The following HTR2C variants were observed in gnomAD, a reference collection of about 807,000 sequenced individuals.
The protein encoded by HTR2C is 5-hydroxytryptamine (serotonin) receptor 2C, G protein-coupled.
HTR2C carries 5 observed loss-of-function variants against 21.0 expected under a neutral mutation model. That is an observed-to-expected ratio of 0.24 (90% CI 0.12 to 0.50). The LOEUF is 0.50. Ranked by LOEUF, HTR2C falls within the 20% of genes least tolerant of loss-of-function variation. HTR2C has a pLI of 0.98. For synonymous variants in HTR2C, 150 were observed against 145.3 expected (o/e 1.03, Z -0.23); for missense variants, 271 against 371.2 (o/e 0.73, Z 2.22).
intron 4 of HTR2C, among the ~76,000 whole-genome samples, chrX:114,753,416 CTA>C (rs2069781321): frequency 8.9e-6 from 1 of 111,800 alleles, no homozygotes; most frequent in Non-Finnish European, 1.9e-5. Flanking sequence ...TCATAGGAAA[CTA>C]ATACATTTGT....
chrX:114,638,063 A>G (rs1313467583), intron 2 of HTR2C, among the ~76,000 whole-genome samples: 1 of 111,325 alleles, frequency 9.0e-6, no homozygotes, highest in African/African-American at 3.3e-5. Flanking sequence ...CCTAACTACT[A>G]GGCAACTTTG....
At chrX:114,585,296 T>C (rs1354018665) in intron 1 of HTR2C, among the ~76,000 whole-genome samples, 1 of 111,656 alleles carries the variant, frequency 9.0e-6, no homozygotes, top group Non-Finnish European at 1.9e-5. Context: ...AGCTGTTAGC[T>C]GAATTTGAAC....
chrX:114,764,092 A>G (rs2069910530), intron 4 of HTR2C, among the ~76,000 whole-genome samples: 1 of 111,853 alleles, frequency 8.9e-6, no homozygotes, highest in Non-Finnish European at 1.9e-5. Context: ...TCTCTCTTCT[A>G]TCCTCCTTAG....
intron 5 of HTR2C, among the ~76,000 whole-genome samples, chrX:114,871,439 T>G (rs1215436415): frequency 8.9e-6 from 1 of 111,782 alleles, no homozygotes; most frequent in Non-Finnish European, 1.9e-5. Context: ...TTAGGTCCAT[T>G]TGGTCTGTAG....
rs781922539 is a variant in HTR2C, at chrX:114,807,803, G to C, written c.350-40200G>C. Among the ~76,000 whole-genome samples, 117 of 109,200 alleles carry C rather than the reference G, an allele frequency of 1.1e-3. 1 individual carries two copies. The highest frequency in any genetic ancestry group is 2.6e-3 in the East Asian group (9 of 3,441). 94.8% of individuals were successfully genotyped at this position (109,200 alleles called of 115,157 possible). A position where few individuals can be genotyped will look rare whatever the true frequency, so the allele number is the denominator to read the frequency against. On this transcript the variant is annotated intron_variant, in intron 4 of 5. Transcript: ENST00000276198. Reference sequence around the variant, plus strand: ...TTCTCCTGCCTCAGCCTCCCCAGTAGCTGGGACTACAGGCGCATACCACCA... The same window carrying C: ...TTCTCCTGCCTCAGCCTCCCCAGTACCTGGGACTACAGGCGCATACCACCA...
chrX:114,809,008 A>G (rs782519945), intron 4 of HTR2C, among the ~76,000 whole-genome samples: 1 of 111,246 alleles, frequency 9.0e-6, no homozygotes, highest in Admixed American at 9.6e-5. Flanking sequence ...GCTACTGTCT[A>G]TGTTTGCTCA....
At chrX:114,794,040 T>C (rs781891016) in intron 4 of HTR2C, among the ~76,000 whole-genome samples, 2 of 111,451 alleles carry the variant, frequency 1.8e-5, no homozygotes, top group Non-Finnish European at 3.8e-5. Context: ...TTGATCATGA[T>C]CAGTGATTTT....
At chrX:114,791,370 G>A (rs1056648845) in intron 4 of HTR2C, among the ~76,000 whole-genome samples, 4 of 111,937 alleles carry the variant, frequency 3.6e-5, no homozygotes, top group African/African-American at 1.3e-4. Flanking sequence ...AGCAGTCTAT[G>A]CAAATTTTCT....
intron 2 of HTR2C, among the ~76,000 whole-genome samples, chrX:114,649,701 T>G (rs1930483702): frequency 9.0e-6 from 1 of 110,987 alleles, no homozygotes; most frequent in African/African-American, 3.3e-5. Context: ...CTGCAACCTC[T>G]GCCTCCCAGG....
At chrX:114,740,642 A>T (rs1180015026) in intron 4 of HTR2C, among the ~76,000 whole-genome samples, 17 of 111,844 alleles carry the variant, frequency 1.5e-4, no homozygotes, top group African/African-American at 5.2e-4. Flanking sequence ...AAAATAAGGA[A>T]TTTCTTTATT....
In HTR2C at chrX:114,909,635, A is replaced by T. The variant is rs1296670018; in HGVS notation, c.*2220A>T. ...ATAATAGCTCACAGCACATTTGTTA[A>T]TGATTCTTGTGTCATCAAGTAGTAG... On this transcript the variant is annotated 3_prime_UTR_variant, in exon 6 of 6. Coordinates refer to ENST00000276198, the MANE Select transcript of HTR2C (RefSeq NM_000868.4). The T allele has an allele frequency of 1.8e-5, 2 of 112,710 alleles. No homozygotes were observed. The highest frequency in any genetic ancestry group is 3.8e-5 in the Non-Finnish European group (2 of 53,268). The allele number at this position is 112,710 out of a possible 1,213,427, so 9.3% of individuals were successfully genotyped here.
chrX:114,653,911 T>C (rs1556408919), intron 2 of HTR2C, among the ~76,000 whole-genome samples: 1 of 110,965 alleles, frequency 9.0e-6, no homozygotes, highest in Non-Finnish European at 1.9e-5. Context: ...TGGTCAGCTT[T>C]TATTTTATTC....
rs1556423306 is a variant in HTR2C at position 114,731,392 on chromosome X, G to A, written c.134G>A (p.Arg45His). The change falls in exon 4 of 6, where the codon CGC becomes CAC. Residue 45 changes from arginine to histidine, a missense_variant. Arg to His is a conservative substitution (Grantham distance 29). Around this residue, in one of 5 missense-constraint regions of HTR2C, gnomAD observed 57 missense variants for 64.0 expected, o/e 0.89. Coordinates refer to ENST00000276198, the MANE Select transcript of HTR2C (RefSeq NM_000868.4). ...ATTTTCAATACCTCCGATGGTGGAC[G>A]CTTCAAATTCCCAGACGGGGTACAA... ...TDIFNTSDGG[R>H]FKFPDGVQNW... 1.7e-6 allele frequency: 2 copies of A among 1,206,264 alleles called. No homozygotes were observed. Among genetic ancestry groups the A allele is most frequent in the Admixed American group, 2.2e-5 (1 of 45,913 alleles).
At chrX:114,811,101 C>G (rs1602828403) in intron 4 of HTR2C, among the ~76,000 whole-genome samples, 1 of 111,793 alleles carries the variant, frequency 8.9e-6, no homozygotes, top group East Asian at 2.8e-4. Context: ...AAGAAAGCCT[C>G]TGAGCTGGTG....
intron 1 of HTR2C, among the ~76,000 whole-genome samples, chrX:114,598,398 T>A (rs1012194150): frequency 8.9e-6 from 1 of 111,743 alleles, no homozygotes; most frequent in Admixed American, 9.5e-5. Flanking sequence ...TATTCAGTCC[T>A]GTTGCTTTTA....
chrX:114,729,502 G>A (rs1244090291), intron 3 of HTR2C, among the ~76,000 whole-genome samples: 1 of 111,592 alleles, frequency 9.0e-6, no homozygotes, highest in Non-Finnish European at 1.9e-5. Flanking sequence ...AAAGCTGAGA[G>A]CGAATAACTT....
Position 114,731,303 on chromosome X carries a change from A to C in HTR2C, c.45A>C (p.Leu15=). 8.4e-7 allele frequency: 1 copy of C among 1,190,068 alleles called. No homozygotes were observed. Among genetic ancestry groups the C allele is most frequent in the East Asian group, 3.0e-5 (1 of 33,634 alleles). The change falls in exon 4 of 6, where the codon CTA becomes CTC. Residue 15 remains leucine, a synonymous_variant. Coordinates refer to ENST00000276198, the MANE Select transcript of HTR2C (RefSeq NM_000868.4). ...TTTTCTTAATTTTCAGTGTGCACCT[A>C]ATTGGCCTATTGGTTTGGCAATCTG... ...RNAVHSFLVH[L]IGLLVWQSDI...
rs781803111 is a variant in HTR2C at position 114,862,901 on chromosome X, G to A, written c.550+14698G>A. Among the ~76,000 whole-genome samples, 7 of 110,339 alleles carry A rather than the reference G, an allele frequency of 6.3e-5. No homozygotes were observed. In the South Asian group the frequency reaches 1.9e-3, roughly 30 times the overall value. On this transcript the variant is annotated intron_variant, in intron 5 of 5. Transcript: ENST00000276198. ...CTTTGAACTTCTTAACCAACTTCTC[G>A]TCATCTCCCTCAACTCCCCTACCCT...
chrX:114,733,570 A>G (rs782548985), intron 4 of HTR2C, among the ~76,000 whole-genome samples: 3 of 108,159 alleles, frequency 2.8e-5, no homozygotes, highest in African/African-American at 1.0e-4. Flanking sequence ...AGGTGGAAAA[A>G]GGTAAAAAAG....
Sources: allele counts gnomAD v4.1 joint callset (sites outside exome capture counted in the v4.1 genomes callset), GRCh38; gene constraint gnomAD v4.1.1; regional missense constraint gnomAD v4.1.1; transcripts MANE v1.5; gene names NCBI Gene and HGNC (gene_info 2026-07-23, HGNC 2026-07-21).